JAG2: variants seen among roughly 807,000 people sequenced by gnomAD.
JAG2 encodes protein jagged-2.
JAG2 carries 46 observed loss-of-function variants against 141.7 expected under a neutral mutation model. The ratio of observed to expected loss-of-function variants is 0.32; its 90% CI spans 0.26 to 0.42. The LOEUF (loss-of-function observed/expected upper bound fraction) is 0.42, where lower values mean the gene tolerates loss of function less well. JAG2 is among the 10% of genes least tolerant of loss of function. The pLI is 1.00. For synonymous variants in JAG2, 862 were observed against 763.5 expected, an observed-to-expected ratio of 1.13 and a Z score of -2.13; for missense variants, 1,500 against 1,817.5, an observed-to-expected ratio of 0.83 and a Z score of 3.18.
intron 2 of JAG2, among the ~76,000 whole-genome samples, chr14:105,157,984 G>A (rs1299402439): frequency 3.9e-5 from 6 of 152,212 alleles, no homozygotes; most frequent in Non-Finnish European, 7.3e-5. Context: ...TCCAGGCCAC[G>A]CGGGCTCAGG....
chr14:105,146,234 T>C (rs1888218913), intron 22 of JAG2, 151 bp downstream of exon 22: 6 of 813,018 alleles, frequency 7.4e-6, no homozygotes, highest in Non-Finnish European at 1.2e-5. Context: ...GCATGGGGCC[T>C]GGCTGAGCTC....
At chr14:105,168,254 G>C (rs1018323835) in intron 1 of JAG2, 101 bp downstream of exon 1, 1 of 750,836 alleles carries the variant, frequency 1.3e-6, no homozygotes, top group East Asian at 1.1e-4. Flanking sequence ...AGCCTCGAGG[G>C]CTTCCGAACC....
At position 105,146,399 on chromosome 14, in the gene JAG2, G is replaced by A. The variant is rs753441664; in HGVS notation, c.2695C>T (p.Arg899Cys). 5.6e-6 allele frequency: 9 copies of A among 1,612,442 alleles called. No homozygotes were observed. The highest frequency in any genetic ancestry group is 1.3e-5 in the African/African-American group (1 of 74,926). The change falls in exon 22 of 26, where the codon CGT becomes TGT. Residue 899 changes from arginine (R) to cysteine (C), a missense_variant. Transcript: ENST00000331782. ...CNSCRCLDGRRDCSKVWCGWK... is the reference protein window; with the variant it reads ...CNSCRCLDGRCDCSKVWCGWK... ...GCTGCCCTCACCTTGCTGCAGTCAC[G>A]GCGGCCATCCAGGCAGCGGCAGCTG... is the stretch of plus-strand genomic sequence containing the variant.
chr14:105,144,266 T>C (rs905214109), intron 24 of JAG2, among the ~76,000 whole-genome samples: 1 of 140,476 alleles, frequency 7.1e-6, no homozygotes, highest in African/African-American at 2.7e-5. Context: ...ACCACATCCC[T>C]GATGGCGCCC....
Position 105,167,065 on chromosome 14 carries a change from G to A in JAG2, c.417+692C>T, listed in dbSNP as rs587728193. 6.6e-5 allele frequency among the ~76,000 whole-genome samples: 10 copies of A among 152,154 alleles called. No individual in the cohort carries two copies. The South Asian group carries it at 1.2e-3, about 19-fold the overall frequency. On this transcript the variant is annotated intron_variant, in intron 2 of 25. Coordinates refer to ENST00000331782, the MANE Select transcript of JAG2 (RefSeq NM_002226.5). This position sits in a 1 kb window ranked among gnomAD's most constrained non-coding sequence, Gnocchi z 4.8. ...CCTCCTCCCAGCACGCCCAGGCCAG[G>A]GCTCCTGCCTGACTGGCCACCTGCC...
At position 105,146,692 on chromosome 14, in the gene JAG2, A is replaced by G. The variant is rs1276348762; in HGVS notation, c.2512T>C (p.Tyr838His). 1 of 1,612,494 alleles carries G rather than the reference A, an allele frequency of 6.2e-7. No homozygotes were observed. Among genetic ancestry groups the G allele is most frequent in the Admixed American group, 1.7e-5 (1 of 60,000 alleles). The change falls in exon 21 of 26, where the codon TAC (tyrosine) becomes CAC (histidine). Residue 838 changes from tyrosine to histidine, a missense_variant. By Grantham distance (83) the Tyr-to-His change is moderately conservative. This residue lies in a region of JAG2 where 875 missense variants were observed against 1,202.2 expected (regional missense o/e 0.73). Coordinates refer to ENST00000331782, the MANE Select transcript of JAG2 (RefSeq NM_002226.5). ...IDECQSSPCA[Y>H]GATCVDEING... ...ATCTCATCCACACACGTGGCCCCGTAGGCACAGGGCGAGGACTGGCACTCG... is the reference window on the plus strand; with the variant it reads ...ATCTCATCCACACACGTGGCCCCGTGGGCACAGGGCGAGGACTGGCACTCG...
rs1176545268 is a variant in JAG2, at chr14:105,141,689, T to A, written c.*1006A>T. The A allele has an allele frequency of 6.6e-6, 1 of 152,180 alleles. No homozygotes were observed. Among genetic ancestry groups the A allele is most frequent in the Non-Finnish European group, 1.5e-5 (1 of 68,072 alleles). The allele number at this position is 152,180 out of a possible 1,614,324, so 9.4% of individuals were successfully genotyped here. A position where few individuals can be genotyped will look rare whatever the true frequency, so the allele number is the denominator to read the frequency against. On this transcript the variant is annotated 3_prime_UTR_variant, in exon 26 of 26. Transcript: ENST00000331782. ...CTGCCGGCGTGGCTCTCCCCCAACC[T>A]CACTCTCAATACAAAAGGGACAGCA...
chr14:105,148,624 C>T, intron 15 of JAG2, 121 bp downstream of exon 15: 1 of 1,006,946 alleles, frequency 9.9e-7, no homozygotes, highest in Middle Eastern at 3.1e-4. Context: ...TGGCAGCACC[C>T]CCTGGCCAGG....
chr14:105,155,935 C>G lies in JAG2; in HGVS notation c.530G>C (p.Arg177Pro), dbSNP rs766691203. The G allele has an allele frequency of 6.2e-7, 1 of 1,611,094 alleles. No homozygotes were observed. The highest frequency in any genetic ancestry group is 1.7e-5 in the Admixed American group (1 of 59,962). The change falls in exon 4 of 26, where the codon CGC (arginine) becomes CCC (proline). Residue 177 changes from arginine (R) to proline (P), a missense_variant. Physicochemically the swap from Arg to Pro is moderately radical, Grantham distance 103. This residue lies in a region of JAG2 where 875 missense variants were observed against 1,202.2 expected (regional missense o/e 0.73). Coordinates refer to ENST00000331782, the MANE Select transcript of JAG2 (RefSeq NM_002226.5). ...GCCGCTGAAGTGCAGGCTCTTCCAG[C>G]GGTCCTCCGGGTTGATCATGCCGGC... ...SHAGMINPED[R>P]WKSLHFSGHV...
Position 105,168,358 on chromosome 14 carries a change from C to T in JAG2, c.63G>A (p.Val21=), listed in dbSNP as rs1261594147. The part of the protein sequence containing the change: ...RRLLLLLALW[V]QAARPMGYFE... ...CCGCCCCCGCCGCCCCGCTCACCTG[C>T]ACCCAGAGCGCCAGCAGCAGCAGCA... The change falls in exon 1 of 26, where the codon GTG becomes GTA. Residue 21 remains valine (V), a synonymous_variant. Coordinates refer to ENST00000331782, the MANE Select transcript of JAG2 (RefSeq NM_002226.5). 1 of 993,234 alleles carries T rather than the reference C, an allele frequency of 1.0e-6. No homozygotes were observed. The highest frequency in any genetic ancestry group is 1.2e-6 in the Non-Finnish European group (1 of 801,092). 61.5% of individuals were successfully genotyped at this position (993,234 alleles called of 1,614,324 possible).
chr14:105,167,797 T>C lies in JAG2; in HGVS notation c.377A>G (p.Asp126Gly), dbSNP rs1055078136. 1.4e-6 allele frequency: 2 copies of C among 1,464,262 alleles called. No individual in the cohort carries two copies. Among genetic ancestry groups the C allele is most frequent in the African/African-American group, 1.5e-5 (1 of 67,498 alleles). 90.7% of individuals were successfully genotyped at this position (1,464,262 alleles called of 1,614,324 possible). A position where few individuals can be genotyped will look rare whatever the true frequency, so the allele number is the denominator to read the frequency against. ...GAAGGGGATGACGACGAGGCCCGGG[T>C]CCTGGTCGCCGCCGGCCCGGGCCCG... ...RARARAGGDQ[D>G]PGLVVIPFQF... The change falls in exon 2 of 26, where the codon GAC becomes GGC. Residue 126 changes from aspartate (D) to glycine (G), a missense_variant. Physicochemically the swap from Asp to Gly is moderately conservative, Grantham distance 94. This residue lies in a region of JAG2 where 875 missense variants were observed against 1,202.2 expected (regional missense o/e 0.73). Coordinates refer to ENST00000331782, the MANE Select transcript of JAG2 (RefSeq NM_002226.5). This position sits in a 1 kb window ranked among gnomAD's most constrained non-coding sequence, Gnocchi z 4.8.
chr14:105,152,368 A>C, intron 5 of JAG2, 77 bp from the exon 6 acceptor site: 2 of 1,527,224 alleles, frequency 1.3e-6, no homozygotes, highest in Non-Finnish European at 1.8e-6. Flanking sequence ...AGGCACAGTC[A>C]CCCACGCCAC....
At chr14:105,145,455 G>A (rs968465712) in intron 23 of JAG2, among the ~76,000 whole-genome samples, 6 of 152,220 alleles carry the variant, frequency 3.9e-5, no homozygotes, top group Non-Finnish European at 5.9e-5. Flanking sequence ...AAGAGCTGGG[G>A]CCAGGCAGCC....
chr14:105,142,874 C>A lies in JAG2; in HGVS notation c.3538G>T (p.Asp1180Tyr). 6.2e-7 allele frequency: 1 copy of A among 1,605,964 alleles called. No individual in the cohort carries two copies. Among genetic ancestry groups the A allele is most frequent in the Non-Finnish European group, 8.5e-7 (1 of 1,176,630 alleles). The change falls in exon 26 of 26, where the codon GAC (aspartate) becomes TAC (tyrosine). Residue 1180 changes from aspartate (D) to tyrosine (Y), a missense_variant. Asp to Tyr is a radical substitution (Grantham distance 160). Transcript: ENST00000331782. Reference protein sequence around the residue: ...GHAAVREDEEDEDLGRGEEDS... With the variant: ...GHAAVREDEEYEDLGRGEEDS... ...TCCTCACCGCGGCCCAGATCCTCGT[C>A]CTCCTCATCCTCCCTGACGGCCGCG...
chr14:105,147,626 G>A, intron 18 of JAG2, 99 bp from the exon 19 acceptor site: 1 of 1,328,974 alleles, frequency 7.5e-7, no homozygotes. Flanking sequence ...GTGGGGCTGG[G>A]GAGGGTCATC....
chr14:105,144,601 T>C (rs1460340287), intron 24 of JAG2, among the ~76,000 whole-genome samples: 1 of 152,092 alleles, frequency 6.6e-6, no homozygotes, highest in East Asian at 1.9e-4. Context: ...AAAGCAGGCC[T>C]CCCAGGGCAG....
chr14:105,151,803 T>G lies in JAG2; in HGVS notation c.1040-64A>C, dbSNP rs182915705. 98 of 1,598,954 alleles carry G rather than the reference T, an allele frequency of 6.1e-5. 1 individual carries two copies. In the Admixed American group the frequency reaches 1.3e-3, roughly 21 times the overall value. ...GCCCCCAGCTTTCCACAAGCACTCC[T>G]CCCCAAGCCCACAGGTTCCCAAGCT... is the stretch of plus-strand genomic sequence containing the variant. On this transcript the variant is annotated intron_variant, in intron 7 of 25. Coordinates refer to ENST00000331782, the MANE Select transcript of JAG2 (RefSeq NM_002226.5).
At chr14:105,149,440 C>T in intron 12 of JAG2, 120 bp from the exon 13 acceptor site, 1 of 1,257,796 alleles carries the variant, frequency 8.0e-7, no homozygotes, top group South Asian at 1.3e-5. Context: ...CGCCCTGGGC[C>T]TAACAGTGCC....
intron 18 of JAG2, 114 bp downstream of exon 18, chr14:105,147,658 G>A: frequency 9.0e-7 from 1 of 1,116,252 alleles, no homozygotes; most frequent in South Asian, 1.3e-5. Context: ...CTTTTGCTGG[G>A]GGCAGGGGCA....
Sources: gnomAD v4.1 joint callset for allele counts (sites outside exome capture counted in the v4.1 genomes callset) on GRCh38, gnomAD v4.1.1 for gene constraint, gnomAD v4.1.1 regional missense constraint, Gnocchi (gnomAD v3.1) non-coding constraint, MANE v1.5 for transcripts, NCBI Gene and HGNC (gene_info 2026-07-23, HGNC 2026-07-21) for gene names.